The following KIAA1217 variants were observed in gnomAD, a reference collection of about 807,000 sequenced individuals.
KIAA1217 encodes the protein sickle tail protein homolog.
A neutral mutation model predicts 163.9 loss-of-function variants in KIAA1217; 88 were observed. The ratio of observed to expected loss-of-function variants is 0.54; its 90% confidence interval spans 0.45 to 0.64. KIAA1217 has a LOEUF of 0.64. Among genes scored for constraint, KIAA1217 ranks in the 30% least tolerant of loss-of-function variants. KIAA1217 has a pLI of 0.00. For synonymous variants in KIAA1217, 903 were observed against 923.1 expected (o/e 0.98, Z 0.39); for missense variants, 2,372 against 2,475.0 (o/e 0.96, Z 0.88).
chr10:23,963,970 T>C (rs907903171), intron 1 of KIAA1217, among the ~76,000 whole-genome samples: 1 of 151,578 alleles, frequency 6.6e-6, no homozygotes, highest in Non-Finnish European at 1.5e-5. Context: ...CTTGGCTCAC[T>C]GCAACCTCCG....
At chr10:23,816,971 G>A (rs2130999321) in intron 1 of KIAA1217, among the ~76,000 whole-genome samples, 1 of 152,328 alleles carries the variant, frequency 6.6e-6, no homozygotes, top group Middle Eastern at 3.4e-3. Context: ...TGCTATCCCT[G>A]CTGCCAAGAA....
chr10:24,425,558 C>T (rs965748052), intron 3 of KIAA1217, among the ~76,000 whole-genome samples: 1 of 152,184 alleles, frequency 6.6e-6, no homozygotes, highest in African/African-American at 2.4e-5. Flanking sequence ...AGTTTTTTCA[C>T]ATTGCCATAT....
intron 10 of KIAA1217, among the ~76,000 whole-genome samples, chr10:24,514,868 T>C (rs954752675): frequency 1.2e-4 from 18 of 151,750 alleles, no homozygotes; most frequent in Non-Finnish European, 2.6e-4. Context: ...GGTGTGTGCC[T>C]GTAGTCCCAG....
intron 2 of KIAA1217, among the ~76,000 whole-genome samples, chr10:24,334,226 A>T (rs2046043473): frequency 1.3e-5 from 2 of 152,152 alleles, no homozygotes; most frequent in South Asian, 4.1e-4. Flanking sequence ...GTTTTGGATG[A>T]CTTAGTCTAT....
intron 2 of KIAA1217, among the ~76,000 whole-genome samples, chr10:24,328,217 G>C (rs1309356501): frequency 6.6e-6 from 1 of 152,174 alleles, no homozygotes; most frequent in Non-Finnish European, 1.5e-5. Flanking sequence ...CTCCCTGTCT[G>C]ACTAAAATTA....
intron 1 of KIAA1217, among the ~76,000 whole-genome samples, chr10:23,789,948 CATGT>C (rs1208351036): frequency 5.3e-4 from 50 of 93,540 alleles, no homozygotes; most frequent in African/African-American, 2.0e-3. Flanking sequence ...TATACATATA[CATGT>C]ATATATACAC....
chr10:24,066,726 C>A (rs556943618), intron 2 of KIAA1217, among the ~76,000 whole-genome samples: 15 of 152,302 alleles, frequency 9.8e-5, no homozygotes, highest in African/African-American at 2.9e-4. Context: ...TGGATAATAT[C>A]CTGCAGAGTG....
At chr10:24,323,275 T>G (rs1255079137) in intron 2 of KIAA1217, among the ~76,000 whole-genome samples, 3 of 152,308 alleles carry the variant, frequency 2.0e-5, no homozygotes, top group South Asian at 2.1e-4. Context: ...GGGCCTGGAC[T>G]TGTTACTCCT....
At chr10:23,871,626 C>A (rs1350193817) in intron 1 of KIAA1217, among the ~76,000 whole-genome samples, 1 of 151,500 alleles carries the variant, frequency 6.6e-6, no homozygotes, top group Non-Finnish European at 1.5e-5. Context: ...CCAAACATCT[C>A]CCCCTTCTAC....
At chr10:24,245,493 A>G (rs943157048) in intron 2 of KIAA1217, among the ~76,000 whole-genome samples, 3 of 152,176 alleles carry the variant, frequency 2.0e-5, no homozygotes, top group Non-Finnish European at 4.4e-5. Context: ...CTGCAGCCTC[A>G]TACGTTTTTG....
intron 2 of KIAA1217, among the ~76,000 whole-genome samples, chr10:24,184,910 C>T (rs1223521240): frequency 6.6e-6 from 1 of 151,970 alleles, no homozygotes; most frequent in African/African-American, 2.4e-5. Flanking sequence ...ACTATATTAT[C>T]TCAGAAAAAA....
intron 10 of KIAA1217, among the ~76,000 whole-genome samples, chr10:24,517,540 G>A (rs1347300526): frequency 6.6e-6 from 1 of 152,134 alleles, no homozygotes; most frequent in Non-Finnish European, 1.5e-5. Context: ...TCAGAACAGT[G>A]ATATCCCTCT....
intron 2 of KIAA1217, among the ~76,000 whole-genome samples, chr10:24,196,619 C>T (rs1187443140): frequency 6.6e-6 from 1 of 152,212 alleles, no homozygotes; most frequent in African/African-American, 2.4e-5. Flanking sequence ...GACTCTCTCG[C>T]CCCCTAGTGG....
intron 2 of KIAA1217, among the ~76,000 whole-genome samples, chr10:24,305,032 C>G (rs1158124839): frequency 1.3e-5 from 2 of 152,154 alleles, no homozygotes; most frequent in African/African-American, 4.8e-5. Flanking sequence ...GTGAGGGAGC[C>G]TGATTAGAAG....
intron 2 of KIAA1217, among the ~76,000 whole-genome samples, chr10:24,147,298 T>C (rs1179878615): frequency 6.6e-6 from 1 of 152,204 alleles, no homozygotes; most frequent in East Asian, 1.9e-4. Context: ...GAAGAGTAGA[T>C]TGTCTTTATT....
rs549563955 is a variant in KIAA1217 at position 24,155,010 on chromosome 10, A to G, written c.-170-64616A>G. On this transcript the variant is annotated intron_variant, in intron 2 of 18. Coordinates refer to the KIAA1217 transcript ENST00000376462. ...AATGGGGAGTTAGCGTTTAATGCAT[A>G]CAGAGTTCCAGTGTTGCAAGATAAA... Among the ~76,000 whole-genome samples the G allele has an allele frequency of 2.0e-5, 3 of 152,136 alleles. No homozygotes were observed. The South Asian group carries it at 6.2e-4, about 32-fold the overall frequency.
rs1402673381 is a variant in KIAA1217, at chr10:24,473,243, G to A, written c.862G>A (p.Val288Ile). 5.3e-6 allele frequency: 8 copies of A among 1,515,618 alleles called. No individual in the cohort carries two copies. Among genetic ancestry groups the A allele is most frequent in the Admixed American group, 2.3e-5 (1 of 44,004 alleles). 93.9% of individuals were successfully genotyped at this position (1,515,618 alleles called of 1,614,324 possible). A position where few individuals can be genotyped will look rare whatever the true frequency, so the allele number is the denominator to read the frequency against. ...NGDMRMQRELVYARGDGPGAP... is the reference protein window; with the variant it reads ...NGDMRMQRELIYARGDGPGAP... ...TTCTTTTCAGATGCAGAGAGAACTT[G>A]TTTATGCAAGAGGAGATGGCCCTGG... The change falls in exon 6 of 21, where the codon GTT (valine) becomes ATT (isoleucine). Residue 288 changes from valine to isoleucine, a missense_variant. Around this residue, in one of 3 missense-constraint regions of KIAA1217, gnomAD observed 1,431 missense variants for 1,470.3 expected, o/e 0.97. Coordinates refer to ENST00000376454, the MANE Select transcript of KIAA1217 (RefSeq NM_019590.5).
chr10:24,525,449 A>C lies in KIAA1217; in HGVS notation c.2898+685A>C, dbSNP rs1218588543. On this transcript the variant is annotated intron_variant, in intron 13 of 20. Coordinates refer to ENST00000376454, the MANE Select transcript of KIAA1217 (RefSeq NM_019590.5). ...GACTGGGGAAATGGGCTGGAAACTGACTTGAGTGCTTGAAAAACAGTCCAT... is the reference window on the plus strand; with the variant it reads ...GACTGGGGAAATGGGCTGGAAACTGCCTTGAGTGCTTGAAAAACAGTCCAT... 2.6e-5 allele frequency among the ~76,000 whole-genome samples: 4 copies of C among 152,318 alleles called. No homozygotes were observed. In the South Asian group the frequency reaches 6.2e-4, roughly 24 times the overall value.
At chr10:24,294,201 A>AAG (rs1198684549) in intron 2 of KIAA1217, among the ~76,000 whole-genome samples, 1 of 151,270 alleles carries the variant, frequency 6.6e-6, no homozygotes, top group Non-Finnish European at 1.5e-5. Flanking sequence ...AAAAAAAAAA[A>AAG]AAAAAAAAAA....
Sources: allele counts gnomAD v4.1 joint callset (sites outside exome capture counted in the v4.1 genomes callset), GRCh38; gene constraint gnomAD v4.1.1; regional missense constraint gnomAD v4.1.1; transcripts MANE v1.5; gene names NCBI Gene and HGNC (gene_info 2026-07-23, HGNC 2026-07-21).